GPC6: variants seen among roughly 807,000 people sequenced by gnomAD.
GPC6 encodes the protein glypican 6, also known as glypican-6.
In GPC6, 14 loss-of-function variants were observed where a neutral mutation model predicts 55.2. The ratio of observed to expected loss-of-function variants is 0.25; its 90% CI spans 0.17 to 0.40. GPC6 has a LOEUF of 0.40. Ranked by LOEUF, GPC6 falls within the 10% of genes least tolerant of loss-of-function variation. GPC6 has a pLI of 1.00. For missense variants in GPC6, 641 were observed against 708.5 expected, an observed-to-expected ratio of 0.90 and a Z score of 1.08; for synonymous variants, 278 against 259.6, an observed-to-expected ratio of 1.07 and a Z score of -0.68.
At chr13:93,271,689 A>G (rs1877532954) in intron 1 of GPC6, among the ~76,000 whole-genome samples, 1 of 152,184 alleles carries the variant, frequency 6.6e-6, no homozygotes, top group South Asian at 2.1e-4. Flanking sequence ...GCAAATCAGT[A>G]ATACTATTTA....
intron 4 of GPC6, among the ~76,000 whole-genome samples, chr13:94,147,406 G>A (rs994940744): frequency 2.6e-5 from 4 of 151,966 alleles, no homozygotes; most frequent in Non-Finnish European, 5.9e-5. Context: ...CAAATCTCAG[G>A]GCTACCACTC....
rs1000526952 is a variant in GPC6, at chr13:93,264,598, A to T, written c.160+36982A>T. 3.3e-5 allele frequency among the ~76,000 whole-genome samples: 5 copies of T among 151,950 alleles called. No homozygotes were observed. In the East Asian group the frequency reaches 9.7e-4, roughly 29 times the overall value. On this transcript the variant is annotated intron_variant, in intron 1 of 8. Coordinates refer to ENST00000377047, the MANE Select transcript of GPC6 (RefSeq NM_005708.5). ...CTAACTTTTTAATTTTTCGGTAGAA[A>T]CAAGGTCTCATTATGTTGCCCAGGG... is the stretch of plus-strand genomic sequence containing the variant.
intron 6 of GPC6, among the ~76,000 whole-genome samples, chr13:94,364,733 G>T (rs73553807): frequency 0.012 from 1,765 of 152,130 alleles, 34 homozygotes; most frequent in African/African-American, 0.04. Flanking sequence ...TTGTAGATAC[G>T]AATCAAGTGT....
chr13:94,029,447 A>G (rs1190320759), intron 4 of GPC6, among the ~76,000 whole-genome samples: 1 of 152,230 alleles, frequency 6.6e-6, no homozygotes, highest in Non-Finnish European at 1.5e-5. Flanking sequence ...ATGAATTTTT[A>G]AAAATAAACT....
At chr13:94,306,145 A>G (rs370286135) in intron 6 of GPC6, 22 bp downstream of exon 6, 16 of 1,613,698 alleles carry the variant, frequency 9.9e-6, no homozygotes, top group Non-Finnish European at 1.4e-5. Context: ...CAGATTGATA[A>G]CCATGGCGGA....
intron 2 of GPC6, among the ~76,000 whole-genome samples, chr13:93,630,860 G>A (rs141932702): frequency 2.2e-3 from 341 of 152,108 alleles, no homozygotes; most frequent in African/African-American, 8.0e-3. Context: ...ACATGTCAAA[G>A]TCCTAACAAC....
chr13:94,270,748 A>C (rs1456462130), intron 4 of GPC6, among the ~76,000 whole-genome samples: 1 of 152,180 alleles, frequency 6.6e-6, no homozygotes, highest in Non-Finnish European at 1.5e-5. Context: ...CTCCAATCAT[A>C]TGCATCTTCT....
At chr13:94,152,194 T>A (rs1347992669) in intron 4 of GPC6, among the ~76,000 whole-genome samples, 1 of 152,178 alleles carries the variant, frequency 6.6e-6, no homozygotes, top group Non-Finnish European at 1.5e-5. Context: ...AATTACAATG[T>A]CAATCAAGTT....
intron 6 of GPC6, among the ~76,000 whole-genome samples, chr13:94,314,013 G>C (rs1876391375): frequency 6.6e-6 from 1 of 152,184 alleles, no homozygotes; most frequent in African/African-American, 2.4e-5. Flanking sequence ...TATTGATTGA[G>C]TTATTCTCTG....
rs376446543 is a variant in GPC6 at position 94,139,083 on chromosome 13, GA to G, written c.877+111199del. Reference sequence around the variant, plus strand: ...AAGATATGGTAGGAGTTAGCTGGGGGAAAAAAAAAAGCATGATGCATTTGCT... The same window carrying G: ...AAGATATGGTAGGAGTTAGCTGGGGGAAAAAAAAAGCATGATGCATTTGCT... On this transcript the variant is annotated intron_variant, in intron 4 of 8. Coordinates refer to ENST00000377047, the MANE Select transcript of GPC6 (RefSeq NM_005708.5). Among the ~76,000 whole-genome samples, 108 of 149,690 alleles carry G rather than the reference GA, an allele frequency of 7.2e-4. 1 individual carries two copies. Among genetic ancestry groups the G allele is most frequent in the African/African-American group, 2.5e-3 (103 of 40,698 alleles).
chr13:93,611,526 A>G (rs1342125147), intron 2 of GPC6, among the ~76,000 whole-genome samples: 8 of 152,142 alleles, frequency 5.3e-5, no homozygotes, highest in Non-Finnish European at 1.0e-4. Context: ...ACATTTTTAA[A>G]TGTTTTTAAA....
chr13:93,376,153 CAT>C (rs1186166091), intron 1 of GPC6, among the ~76,000 whole-genome samples: 1 of 150,464 alleles, frequency 6.6e-6, no homozygotes, highest in African/African-American at 2.4e-5. Context: ...GTTGTCTACA[CAT>C]GAGTGGAAGT....
intron 3 of GPC6, among the ~76,000 whole-genome samples, chr13:93,952,087 C>G (rs1782193279): frequency 6.6e-6 from 1 of 152,010 alleles, no homozygotes; most frequent in African/African-American, 2.4e-5. Context: ...GTTATCATAC[C>G]AACATTTTTC....
intron 1 of GPC6, among the ~76,000 whole-genome samples, chr13:93,301,319 T>C (rs910670083): frequency 6.6e-6 from 1 of 152,198 alleles, no homozygotes; most frequent in African/African-American, 2.4e-5. Flanking sequence ...TATGTGCTAC[T>C]GGTCCTTCCT....
intron 2 of GPC6, among the ~76,000 whole-genome samples, chr13:93,752,605 C>T (rs1884636534): frequency 6.6e-6 from 1 of 152,068 alleles, no homozygotes; most frequent in African/African-American, 2.4e-5. Flanking sequence ...GATTACTTGG[C>T]TGTTGAGGAG....
chr13:93,502,348 A>G (rs1328231630), intron 1 of GPC6, among the ~76,000 whole-genome samples: 1 of 152,074 alleles, frequency 6.6e-6, no homozygotes, highest in Non-Finnish European at 1.5e-5. Flanking sequence ...TATGCCCCAC[A>G]TACTTTGTAA....
chr13:94,218,224 A>AT (rs1890279194), intron 4 of GPC6, among the ~76,000 whole-genome samples: 1 of 152,152 alleles, frequency 6.6e-6, no homozygotes, highest in Admixed American at 6.5e-5. Context: ...CTCCTGTAAA[A>AT]TGGGAGAAGT....
chr13:94,017,902 T>A (rs929178746), intron 3 of GPC6, among the ~76,000 whole-genome samples: 1 of 152,014 alleles, frequency 6.6e-6, no homozygotes, highest in African/African-American at 2.4e-5. Flanking sequence ...GGTCTTGAAC[T>A]CCTGACCTTG....
At position 94,353,303 on chromosome 13, in the gene GPC6, T is replaced by G. The variant is rs563068400; in HGVS notation, c.1153-29111T>G. ...TTGCATTTACTGCCTGGAAACCCAT[T>G]TCATCATTTAATCCAAAACCTAATT... is the stretch of plus-strand genomic sequence containing the variant. On this transcript the variant is annotated intron_variant, in intron 6 of 8. Transcript: ENST00000377047. Among the ~76,000 whole-genome samples, 8 of 152,186 alleles carry G rather than the reference T, an allele frequency of 5.3e-5. No homozygotes were observed. The South Asian group carries it at 1.7e-3, about 32-fold the overall frequency.
Sources: gnomAD v4.1 joint callset for allele counts (sites outside exome capture counted in the v4.1 genomes callset) on GRCh38, gnomAD v4.1.1 for gene constraint, MANE v1.5 for transcripts, NCBI Gene and HGNC (gene_info 2026-07-23, HGNC 2026-07-21) for gene names.